The following BCAS3 variants were observed in gnomAD, a reference collection of about 807,000 sequenced individuals.
The protein encoded by BCAS3 is BCAS4/BCAS3 fusion.
A neutral mutation model predicts 116.1 loss-of-function variants in BCAS3; 53 were observed. That is an observed-to-expected ratio of 0.46 (90% CI 0.37 to 0.57). BCAS3 has a LOEUF of 0.57. Among genes scored for constraint, BCAS3 ranks in the 20% least tolerant of loss-of-function variants. The probability of loss-of-function intolerance (pLI) is 0.00; values close to 1 mark genes in which losing one functional copy is unlikely to be tolerated. For missense variants in BCAS3, 917 were observed against 1,165.4 expected, an observed-to-expected ratio of 0.79 and a Z score of 3.10; for synonymous variants, 391 against 408.2, an observed-to-expected ratio of 0.96 and a Z score of 0.51.
chr17:61,070,063 G>A (rs751746691), intron 19 of BCAS3: 16 of 1,587,158 alleles, frequency 1.0e-5, no homozygotes, highest in African/African-American at 8.1e-5. Context: ...TCGGAAGAGC[G>A]CTCCCAGGAG....
rs2077118493 is a variant in BCAS3 at position 61,145,020 on chromosome 17, C to T, written c.2425+60456C>T. Among the ~76,000 whole-genome samples, 1 of 152,214 alleles carries T rather than the reference C, an allele frequency of 6.6e-6. No homozygotes were observed. The highest frequency in any genetic ancestry group is 2.4e-5 in the African/African-American group (1 of 41,462). On this transcript the variant is annotated intron_variant, in intron 22 of 23. Coordinates refer to ENST00000407086, the MANE Select transcript of BCAS3 (RefSeq NM_017679.5). This position sits in a 1 kb window ranked among gnomAD's most constrained non-coding sequence, Gnocchi z 5.0. ...GAAATATTCATTTAGACCATAACAA[C>T]TGTTAGAACAAGATAACAACTCCAG...
rs2051291019 is a variant in BCAS3 at position 61,282,051 on chromosome 17, A to C, written c.2426-86276A>C. ...ATTGACAACTAACTATAACACATTCAAACTAGTTACTAGGTACCTGCCTCC... is the reference window on the plus strand; with the variant it reads ...ATTGACAACTAACTATAACACATTCCAACTAGTTACTAGGTACCTGCCTCC... On this transcript the variant is annotated intron_variant, in intron 22 of 23. Transcript: ENST00000407086. The surrounding 1 kb of genome is among the most constrained non-coding windows in gnomAD (Gnocchi z 5.9). 6.6e-6 allele frequency among the ~76,000 whole-genome samples: 1 copy of C among 152,206 alleles called. No homozygotes were observed. Among genetic ancestry groups the C allele is most frequent in the Admixed American group, 6.6e-5 (1 of 15,266 alleles).
rs185702948 is a variant in BCAS3, at chr17:61,103,002, G to A, written c.2425+18438G>A. 2.0e-5 allele frequency among the ~76,000 whole-genome samples: 3 copies of A among 152,206 alleles called. No homozygotes were observed. The East Asian group carries it at 5.8e-4, about 29-fold the overall frequency. ...AGTTGAGAAAACAGACTGAAATGTTGTAGATTCCTGGTTGAATCCCTATAG... is the reference window on the plus strand; with the variant it reads ...AGTTGAGAAAACAGACTGAAATGTTATAGATTCCTGGTTGAATCCCTATAG... On this transcript the variant is annotated intron_variant, in intron 22 of 23. Coordinates refer to ENST00000407086, the MANE Select transcript of BCAS3 (RefSeq NM_017679.5).
rs1377785549 is a variant in BCAS3, at chr17:61,213,231, G to A, written c.2425+128667G>A. On this transcript the variant is annotated intron_variant, in intron 22 of 23. Transcript: ENST00000407086. The surrounding 1 kb of genome is among the most constrained non-coding windows in gnomAD (Gnocchi z 5.4). Reference sequence around the variant, plus strand: ...GTCACCCAGGCTGGAGTGCGGTGGTGCAGTCTTGGCTCACTGCAACCTCTG... The same window carrying A: ...GTCACCCAGGCTGGAGTGCGGTGGTACAGTCTTGGCTCACTGCAACCTCTG... Among the ~76,000 whole-genome samples the A allele has an allele frequency of 1.3e-5, 2 of 152,004 alleles. No individual in the cohort carries two copies. Among genetic ancestry groups the A allele is most frequent in the African/African-American group, 4.8e-5 (2 of 41,352 alleles).
At chr17:60,932,742 CAAAAA>C (rs1167994825) in intron 13 of BCAS3, among the ~76,000 whole-genome samples, 1 of 38,204 alleles carries the variant, frequency 2.6e-5, no homozygotes. Context: ...ACTCTTGTCT[CAAAAA>C]AAAAAAAAAA....
chr17:60,855,806 C>T (rs1005989350), intron 7 of BCAS3, among the ~76,000 whole-genome samples: 7 of 152,018 alleles, frequency 4.6e-5, no homozygotes, highest in Non-Finnish European at 7.4e-5. Flanking sequence ...ACCTCAACCC[C>T]CAAAGTAGCT....
rs2073281533 is a variant in BCAS3 at position 61,088,670 on chromosome 17, C to T, written c.2425+4106C>T. ...AGATAACCTTTCCTTGCTTCTGAGT[C>T]ATCAAATCAAAGAGCCTAGAAAGAT... On this transcript the variant is annotated intron_variant, in intron 22 of 23. Coordinates refer to ENST00000407086, the MANE Select transcript of BCAS3 (RefSeq NM_017679.5). The surrounding 1 kb of genome is among the most constrained non-coding windows in gnomAD (Gnocchi z 4.2). 6.6e-6 allele frequency among the ~76,000 whole-genome samples: 1 copy of T among 152,182 alleles called. No homozygotes were observed. Among genetic ancestry groups the T allele is most frequent in the Non-Finnish European group, 1.5e-5 (1 of 68,024 alleles).
chr17:61,392,005 T>A lies in BCAS3; in HGVS notation c.2622T>A (p.Thr874=), dbSNP rs1310605937. 28 of 1,613,710 alleles carry A rather than the reference T, an allele frequency of 1.7e-5. No individual in the cohort carries two copies. In the Admixed American group the frequency reaches 4.5e-4, roughly 26 times the overall value. Reference sequence around the variant, plus strand: ...TTCAGCGAGAGGGAAGCATCGAGACTCTGAGTAACAGCTCAGGCTCCACCA... The same window carrying A: ...TTCAGCGAGAGGGAAGCATCGAGACACTGAGTAACAGCTCAGGCTCCACCA... ...TELQREGSIE[T]LSNSSGSTSG... The change falls in exon 24 of 24, where the codon ACT becomes ACA. Residue 874 remains threonine, a synonymous_variant. Coordinates refer to ENST00000407086, the MANE Select transcript of BCAS3 (RefSeq NM_017679.5). This position sits in a 1 kb window ranked among gnomAD's most constrained non-coding sequence, Gnocchi z 6.4.
At position 61,205,647 on chromosome 17, in the gene BCAS3, G is replaced by A. The variant is rs2037249986; in HGVS notation, c.2425+121083G>A. ...CTCCTAACCCTGCCGTTGGTCTGGA[G>A]TGAAGCAGAGCAGGAGAAAGGGCTC... On this transcript the variant is annotated intron_variant, in intron 22 of 23. Transcript: ENST00000407086. The surrounding 1 kb of genome is among the most constrained non-coding windows in gnomAD (Gnocchi z 5.2). Among the ~76,000 whole-genome samples the A allele has an allele frequency of 6.6e-6, 1 of 152,210 alleles. No individual in the cohort carries two copies. The highest frequency in any genetic ancestry group is 1.9e-4 in the East Asian group (1 of 5,204).
intron 2 of BCAS3, 69 bp downstream of exon 2, chr17:60,679,609 C>T (rs2032676023): frequency 1.6e-6 from 2 of 1,270,336 alleles, no homozygotes; most frequent in South Asian, 2.5e-5. Flanking sequence ...TTTAGGTTTT[C>T]TTTATGAACA....
intron 22 of BCAS3, among the ~76,000 whole-genome samples, chr17:61,169,693 C>T (rs1399158506): frequency 1.3e-5 from 2 of 151,936 alleles, no homozygotes; most frequent in African/African-American, 4.8e-5. Context: ...TTTTAAAGAC[C>T]ATTTGATTTT....
chr17:60,923,949 A>G (rs938569894), intron 12 of BCAS3, among the ~76,000 whole-genome samples: 4 of 152,156 alleles, frequency 2.6e-5, no homozygotes, highest in Non-Finnish European at 4.4e-5. Flanking sequence ...ACACCTGTTT[A>G]TTTATGTTTA....
rs2067119919 is a variant in BCAS3, at chr17:61,037,402, A to G, written c.1763-487A>G. Among the ~76,000 whole-genome samples the G allele has an allele frequency of 6.6e-6, 1 of 152,188 alleles. No homozygotes were observed. The highest frequency in any genetic ancestry group is 1.5e-5 in the Non-Finnish European group (1 of 68,042). ...TGCTTAAGATTGAAAATACTCTGATATCATAGACATTTTCATATTCACTAG... is the reference window on the plus strand; with the variant it reads ...TGCTTAAGATTGAAAATACTCTGATGTCATAGACATTTTCATATTCACTAG... On this transcript the variant is annotated intron_variant, in intron 17 of 23. Transcript: ENST00000407086. This position sits in a 1 kb window ranked among gnomAD's most constrained non-coding sequence, Gnocchi z 4.7.
rs2072673478 is a variant in BCAS3 at position 61,082,127 on chromosome 17, C to A, written c.2328-2340C>A. On this transcript the variant is annotated intron_variant, in intron 21 of 23. Coordinates refer to ENST00000407086, the MANE Select transcript of BCAS3 (RefSeq NM_017679.5). The surrounding 1 kb of genome is among the most constrained non-coding windows in gnomAD (Gnocchi z 5.1). ...GGGCAATGAAATATTTGCTAACAGA[C>A]CTGAGAAACATATAATGTAAAAGAT... Among the ~76,000 whole-genome samples, 1 of 152,186 alleles carries A rather than the reference C, an allele frequency of 6.6e-6. No individual in the cohort carries two copies. Among genetic ancestry groups the A allele is most frequent in the South Asian group, 2.1e-4 (1 of 4,830 alleles).
intron 8 of BCAS3, among the ~76,000 whole-genome samples, chr17:60,872,403 CAT>C (rs1300894211): frequency 3.3e-5 from 5 of 150,902 alleles, no homozygotes; most frequent in Non-Finnish European, 5.9e-5. Flanking sequence ...CATACACACA[CAT>C]ACCCCATATA....
rs2058445332 is a variant in BCAS3, at chr17:60,910,702, G to C, written c.993G>C (p.Gln331His). 1 of 1,600,654 alleles carries C rather than the reference G, an allele frequency of 6.2e-7. No homozygotes were observed. The highest frequency in any genetic ancestry group is 1.7e-5 in the Admixed American group (1 of 57,990). The change falls in exon 12 of 24, where the codon CAG (glutamine) becomes CAC (histidine). Residue 331 changes from glutamine (Q) to histidine (H), a missense_variant and splice_region_variant. Gln to His is a conservative substitution (Grantham distance 24, BLOSUM62 0). Around this residue, in one of 3 missense-constraint regions of BCAS3, gnomAD observed 807 missense variants for 1,026.0 expected, o/e 0.79. Coordinates refer to ENST00000407086, the MANE Select transcript of BCAS3 (RefSeq NM_017679.5). ...ACACCGAAACCGTTGGAGAGGGCCAGGTAAGAAGAACTTTTGGTGCGTACC... is the reference window on the plus strand; with the variant it reads ...ACACCGAAACCGTTGGAGAGGGCCACGTAAGAAGAACTTTTGGTGCGTACC... The part of the protein sequence containing the change: ...VIDTETVGEG[Q>H]VLVSEDSDSD...
In BCAS3 at chr17:61,325,945, G is replaced by A. The variant is rs1019205127; in HGVS notation, c.2426-42382G>A. ...CTAATATATACTGCAGGGAAGCCTCGGCAGAGAACAGAGTGAAAAATCGTG... is the reference window on the plus strand; with the variant it reads ...CTAATATATACTGCAGGGAAGCCTCAGCAGAGAACAGAGTGAAAAATCGTG... On this transcript the variant is annotated intron_variant, in intron 22 of 23. Coordinates refer to ENST00000407086, the MANE Select transcript of BCAS3 (RefSeq NM_017679.5). The surrounding 1 kb of genome is among the most constrained non-coding windows in gnomAD (Gnocchi z 6.4). 2.6e-5 allele frequency among the ~76,000 whole-genome samples: 4 copies of A among 152,072 alleles called. No individual in the cohort carries two copies. The highest frequency in any genetic ancestry group is 1.9e-4 in the East Asian group (1 of 5,186).
chr17:60,976,020 C>CTTTTTTCTTTTTT (rs2062326789), intron 14 of BCAS3, among the ~76,000 whole-genome samples: 3 of 98,282 alleles, frequency 3.1e-5, no homozygotes, highest in Non-Finnish European at 5.3e-5. Context: ...TAGATTTTTG[C>CTTTTTTCTTTTTT]TTTTTTTTTT....
At chr17:61,094,619 G>A (rs1156959248) in intron 22 of BCAS3, among the ~76,000 whole-genome samples, 2 of 152,180 alleles carry the variant, frequency 1.3e-5, no homozygotes, top group African/African-American at 4.8e-5. Flanking sequence ...AGGCCAAGGC[G>A]GGTGGATCAC....
Sources: gnomAD v4.1 joint callset for allele counts (sites outside exome capture counted in the v4.1 genomes callset) on GRCh38, gnomAD v4.1.1 for gene constraint, gnomAD v4.1.1 regional missense constraint, Gnocchi (gnomAD v3.1) non-coding constraint, MANE v1.5 for transcripts, NCBI Gene and HGNC (gene_info 2026-07-23, HGNC 2026-07-21) for gene names.